Variants in RASEF observed in about 807,000 individuals in gnomAD.
The protein encoded by RASEF is ras and EF-hand domain-containing protein.
In RASEF, 68 loss-of-function variants were observed where a neutral mutation model predicts 90.1. That is an observed-to-expected ratio of 0.75 (90% CI 0.62 to 0.92). The LOEUF is 0.92. RASEF is among the 40% of genes least tolerant of loss of function. The pLI, the probability that RASEF is intolerant of heterozygous loss-of-function variation, is 0.00. For missense variants in RASEF, 949 were observed against 937.2 expected (o/e 1.01, Z -0.16); for synonymous variants, 331 against 345.2 (o/e 0.96, Z 0.46).
At chr9:83,063,250 G>A (rs1830250859), upstream of RASEF, 2 of 213,476 alleles carry the variant, frequency 9.4e-6, no homozygotes, top group Non-Finnish European at 1.8e-5. Context: ...CCACGCCCCG[G>A]AGTCCACCGC....
chr9:83,004,166 C>T (rs75712878), intron 9 of RASEF, among the ~76,000 whole-genome samples: 2,066 of 152,152 alleles, frequency 0.014, 47 homozygotes, highest in African/African-American at 0.047. Context: ...CATTATATAC[C>T]AGAAACACTG....
At chr9:83,147,028 G>GTATATATATGTA in the RASEF span, among the ~76,000 whole-genome samples, 1 of 31,312 alleles carries the variant, frequency 3.2e-5, no homozygotes, top group Admixed American at 3.9e-4. Flanking sequence ...GTGTGTGTGT[G>GTATATATATGTA]TATATATATA....
At chr9:82,999,205 C>CTGAT (rs35764005) in intron 12 of RASEF, among the ~76,000 whole-genome samples, 80,388 of 151,444 alleles carry the variant, frequency 0.53, 21,554 homozygotes, top group East Asian at 0.78. Flanking sequence ...ACTCCTTTTA[C>CTGAT]TATTATGCAA....
chr9:83,095,510 G>T, the RASEF span, among the ~76,000 whole-genome samples: 1 of 149,620 alleles, frequency 6.7e-6, no homozygotes, highest in Non-Finnish European at 1.5e-5. Context: ...AACCAGAGAG[G>T]AAGAAAATGG....
At chr9:83,072,346 T>G in the RASEF span, among the ~76,000 whole-genome samples, 1 of 152,182 alleles carries the variant, frequency 6.6e-6, no homozygotes, top group African/African-American at 2.4e-5. Flanking sequence ...GTTTCCTCTG[T>G]CCAGTATCCT....
chr9:83,168,943 C>T, the RASEF span, among the ~76,000 whole-genome samples: 6 of 151,996 alleles, frequency 3.9e-5, no homozygotes, highest in African/African-American at 7.2e-5. Context: ...TTCCTTCTAT[C>T]TGCCTGTTTT....
the RASEF span, among the ~76,000 whole-genome samples, chr9:83,139,632 G>A: frequency 6.6e-6 from 1 of 152,012 alleles, no homozygotes. Context: ...GAACAGGAGG[G>A]GTTAGTCTTG....
At chr9:83,117,771 T>C in the RASEF span, among the ~76,000 whole-genome samples, 1 of 152,206 alleles carries the variant, frequency 6.6e-6, no homozygotes, top group African/African-American at 2.4e-5. Flanking sequence ...TAATGATCTT[T>C]CCATAATGGT....
At chr9:83,119,422 GA>G in the RASEF span, among the ~76,000 whole-genome samples, 1 of 152,032 alleles carries the variant, frequency 6.6e-6, no homozygotes, top group African/African-American at 2.4e-5. Context: ...TTTTCACATT[GA>G]AAAGCTTTAT....
the RASEF span, among the ~76,000 whole-genome samples, chr9:83,155,232 T>C: frequency 6.6e-6 from 1 of 152,184 alleles, no homozygotes; most frequent in Non-Finnish European, 1.5e-5. Context: ...GCCTTTAGAA[T>C]ACCTGGATGC....
At chr9:83,135,020 T>C in the RASEF span, among the ~76,000 whole-genome samples, 1 of 152,138 alleles carries the variant, frequency 6.6e-6, no homozygotes, top group Non-Finnish European at 1.5e-5. Flanking sequence ...TTCACTTACA[T>C]GAAACATCCT....
chr9:83,150,475 C>T, the RASEF span, among the ~76,000 whole-genome samples: 1 of 152,126 alleles, frequency 6.6e-6, no homozygotes, highest in Non-Finnish European at 1.5e-5. Context: ...TCAGGAGCAG[C>T]TCTGTGTCAG....
intron 1 of RASEF, among the ~76,000 whole-genome samples, chr9:83,039,950 G>A (rs1345266421): frequency 6.6e-6 from 1 of 152,102 alleles, no homozygotes; most frequent in Non-Finnish European, 1.5e-5. Flanking sequence ...ATTCCCATGT[G>A]TCATGGGAGG....
intron 1 of RASEF, among the ~76,000 whole-genome samples, chr9:83,036,546 G>A (rs999837514): frequency 6.6e-6 from 1 of 152,128 alleles, no homozygotes; most frequent in Non-Finnish European, 1.5e-5. Flanking sequence ...TTATTGGATG[G>A]CAATGCTTTT....
the RASEF span, among the ~76,000 whole-genome samples, chr9:83,102,205 T>C: frequency 2.0e-5 from 3 of 152,134 alleles, no homozygotes; most frequent in African/African-American, 7.2e-5. Context: ...GCCTCCCAGG[T>C]ATCTGGGATT....
the RASEF span, among the ~76,000 whole-genome samples, chr9:83,174,789 A>G: frequency 9.5e-4 from 145 of 152,108 alleles, 2 homozygotes; most frequent in East Asian, 0.026. Context: ...ATCTTCTTTA[A>G]TTTCTTTCAG....
chr9:83,006,015 A>G (rs1052847692), intron 7 of RASEF, among the ~76,000 whole-genome samples: 2 of 152,154 alleles, frequency 1.3e-5, no homozygotes, highest in Non-Finnish European at 2.9e-5. Flanking sequence ...CCTAACTCTT[A>G]TTTCCATATG....
chr9:83,096,080 C>T, the RASEF span, among the ~76,000 whole-genome samples: 34 of 152,148 alleles, frequency 2.2e-4, no homozygotes, highest in African/African-American at 8.0e-4. Flanking sequence ...AGCTTCCCTT[C>T]TCCTATCTGT....
the RASEF span, among the ~76,000 whole-genome samples, chr9:83,148,574 G>A: frequency 6.6e-6 from 1 of 152,132 alleles, no homozygotes; most frequent in Non-Finnish European, 1.5e-5. Context: ...ACCCTGCCAG[G>A]ACCTTGATCT....
Sources: allele counts gnomAD v4.1 joint callset (sites outside exome capture counted in the v4.1 genomes callset), GRCh38; gene constraint gnomAD v4.1.1; transcripts MANE v1.5; gene names NCBI Gene and HGNC (gene_info 2026-07-23, HGNC 2026-07-21).